The following ADGRG5 variants were observed in gnomAD, a reference collection of about 807,000 sequenced individuals.
The protein encoded by ADGRG5 is G protein-coupled receptor 114.
ADGRG5 carries 37 observed loss-of-function variants against 53.2 expected under a neutral mutation model. That is an observed-to-expected ratio of 0.70 (90% confidence interval 0.53 to 0.91). ADGRG5 has a LOEUF of 0.91. ADGRG5 is among the 40% of genes least tolerant of loss of function. The pLI is 0.00. For synonymous variants in ADGRG5, 277 were observed against 290.4 expected, an observed-to-expected ratio of 0.95 and a Z score of 0.47; for missense variants, 614 against 675.8, an observed-to-expected ratio of 0.91 and a Z score of 1.01.
In ADGRG5 at chr16:57,574,941, G is replaced by A. The variant is rs373117228; in HGVS notation, c.1335G>A (p.Ala445=). 3.5e-5 allele frequency: 56 copies of A among 1,613,492 alleles called. No homozygotes were observed. The Middle Eastern group carries it at 6.6e-4, about 19-fold the overall frequency. ...LWTLRRLRER[A]DAPSVRACHD... ...CCCTGCGCAGGCTGCGGGAGCGGGC[G>A]GATGCACCAAGTGTCAGGGCCTGCC... is the stretch of plus-strand genomic sequence containing the variant. Residue 445 remains alanine (A), a synonymous_variant, in exon 11 of 12, where the codon GCG becomes GCA. Coordinates refer to ENST00000349457, the MANE Select transcript of ADGRG5 (RefSeq NM_001304376.3). This position sits in a 1 kb window ranked among gnomAD's most constrained non-coding sequence, Gnocchi z 4.4.
chr16:57,530,513 A>G, the ADGRG5 span, among the ~76,000 whole-genome samples: 3 of 152,268 alleles, frequency 2.0e-5, no homozygotes, highest in South Asian at 6.2e-4. Context: ...GCTGTCCCCA[A>G]GGCTGCCTGG....
intron 1 of ADGRG5, among the ~76,000 whole-genome samples, chr16:57,555,023 T>C (rs2032850568): frequency 6.6e-6 from 1 of 152,218 alleles, no homozygotes; most frequent in East Asian, 1.9e-4. Flanking sequence ...TCCTGGTGGT[T>C]ACAGAACTTA....
At chr16:57,553,548 C>G (rs1334379019) in intron 1 of ADGRG5, among the ~76,000 whole-genome samples, 1 of 152,166 alleles carries the variant, frequency 6.6e-6, no homozygotes, top group Admixed American at 6.5e-5. Context: ...TATATCTGTC[C>G]TTATGCCAGT....
chr16:57,551,925 G>C (rs2032764611), intron 1 of ADGRG5, among the ~76,000 whole-genome samples: 1 of 152,214 alleles, frequency 6.6e-6, no homozygotes, highest in South Asian at 2.1e-4. Context: ...AATGGATGTT[G>C]TGTTAGCAGC....
At chr16:57,568,230 AC>A in intron 9 of ADGRG5, 106 bp downstream of exon 9, 4 of 1,131,154 alleles carry the variant, frequency 3.5e-6, no homozygotes, top group Non-Finnish European at 3.9e-6. Flanking sequence ...AGTGGCCATT[AC>A]ATGACCACCA....
At chr16:57,555,453 C>T (rs1298420460) in intron 1 of ADGRG5, among the ~76,000 whole-genome samples, 5 of 152,180 alleles carry the variant, frequency 3.3e-5, no homozygotes. Context: ...TGATTATATA[C>T]CCAGTCTTGG....
intron 9 of ADGRG5, among the ~76,000 whole-genome samples, chr16:57,568,923 C>T (rs111209687): frequency 5.3e-5 from 8 of 151,120 alleles, no homozygotes; most frequent in Non-Finnish European, 1.0e-4. Context: ...CCTCCACCTC[C>T]GTCATCACCA....
chr16:57,564,313 T>C (rs1456499256), intron 5 of ADGRG5, among the ~76,000 whole-genome samples: 2 of 107,672 alleles, frequency 1.9e-5, no homozygotes, highest in East Asian at 4.2e-4. Context: ...ACCTTACAGA[T>C]TTTTTTTTTT....
chr16:57,531,365 G>A, the ADGRG5 span, among the ~76,000 whole-genome samples: 1 of 150,874 alleles, frequency 6.6e-6, no homozygotes, highest in African/African-American at 2.4e-5. Flanking sequence ...CCCACCCACC[G>A]CCAAACCTTG....
chr16:57,539,194 A>G (rs2032453303), upstream of ADGRG5, among the ~76,000 whole-genome samples: 1 of 152,200 alleles, frequency 6.6e-6, no homozygotes, highest in Non-Finnish European at 1.5e-5. Context: ...AACCTTGAAG[A>G]CGTCATGCTA....
upstream of ADGRG5, among the ~76,000 whole-genome samples, chr16:57,539,620 AT>A (rs35872844): frequency 0.016 from 2,300 of 142,434 alleles, 43 homozygotes; most frequent in African/African-American, 0.052. Flanking sequence ...GACCAACTAA[AT>A]TTTTTTTTTT....
chr16:57,558,835 G>A (rs1446078857), intron 1 of ADGRG5, among the ~76,000 whole-genome samples: 1 of 146,178 alleles, frequency 6.8e-6, no homozygotes, highest in Non-Finnish European at 1.5e-5. Flanking sequence ...GTGTCCAGTG[G>A]CTTTTTTTTT....
chr16:57,549,614 T>C (rs1431310357), intron 1 of ADGRG5, among the ~76,000 whole-genome samples: 2 of 152,230 alleles, frequency 1.3e-5, no homozygotes, highest in African/African-American at 4.8e-5. Flanking sequence ...GAGGAGTTTT[T>C]GCATTTTGAC....
the ADGRG5 span, among the ~76,000 whole-genome samples, chr16:57,532,722 C>T: frequency 6.6e-6 from 1 of 151,804 alleles, no homozygotes; most frequent in African/African-American, 2.4e-5. Context: ...CACACACACA[C>T]ACACACACAC....
At chr16:57,546,856 C>G (rs1340871977) in intron 1 of ADGRG5, among the ~76,000 whole-genome samples, 1 of 152,040 alleles carries the variant, frequency 6.6e-6, no homozygotes, top group African/African-American at 2.4e-5. Flanking sequence ...GTAGCTGGGA[C>G]TACAGGTGTG....
intron 1 of ADGRG5, among the ~76,000 whole-genome samples, chr16:57,547,748 G>GT (rs1555521227): frequency 1.3e-5 from 2 of 150,988 alleles, no homozygotes; most frequent in African/African-American, 4.9e-5. Flanking sequence ...CGCCCAGCCT[G>GT]TTTTTTGTTT....
intron 1 of ADGRG5, among the ~76,000 whole-genome samples, chr16:57,557,023 C>T (rs755364789): frequency 1.3e-5 from 2 of 151,276 alleles, no homozygotes; most frequent in African/African-American, 2.4e-5. Context: ...GATCCTCCAG[C>T]GTTAGCCTCC....
intron 1 of ADGRG5, among the ~76,000 whole-genome samples, chr16:57,558,536 T>A (rs1376208945): frequency 6.6e-6 from 1 of 152,254 alleles, no homozygotes. Context: ...TTCTTGATTC[T>A]CCTGCTCTAG....
In ADGRG5 at chr16:57,575,887, C is replaced by A. The variant is rs1158196096; in HGVS notation, c.*349C>A. ...TCTGTCTGTATGACCTTGGGCCTGC[C>A]ACTTCTCACAGACCCTAGGTATCCA... is the stretch of plus-strand genomic sequence containing the variant. On this transcript the variant is annotated 3_prime_UTR_variant, in exon 12 of 12. Transcript: ENST00000349457. 2 of 226,174 alleles carry A rather than the reference C, an allele frequency of 8.8e-6. No individual in the cohort carries two copies. Among genetic ancestry groups the A allele is most frequent in the South Asian group, 1.7e-4 (2 of 11,576 alleles). 14.0% of individuals were successfully genotyped at this position (226,174 alleles called of 1,614,324 possible). A position where few individuals can be genotyped will look rare whatever the true frequency, so the allele number is the denominator to read the frequency against.
Sources: allele counts gnomAD v4.1 joint callset (sites outside exome capture counted in the v4.1 genomes callset), GRCh38; gene constraint gnomAD v4.1.1; non-coding constraint Gnocchi (gnomAD v3.1); transcripts MANE v1.5; gene names NCBI Gene and HGNC (gene_info 2026-07-23, HGNC 2026-07-21).